Variants in TRIM5 observed in about 807,000 individuals in gnomAD.
The protein encoded by TRIM5 is tripartite motif-containing protein 5.
In TRIM5, 31 loss-of-function variants were observed where a neutral mutation model predicts 35.6. The observed-to-expected ratio is 0.87, with a 90% CI of 0.65 to 1.18. TRIM5 has a LOEUF of 1.18. Ranked by LOEUF, TRIM5 falls within the 50% of genes most tolerant of loss-of-function variation. The pLI, the probability that TRIM5 is intolerant of heterozygous loss-of-function variation, is 0.00. For missense variants in TRIM5, 609 were observed against 591.6 expected, an observed-to-expected ratio of 1.03 and a Z score of -0.31; for synonymous variants, 243 against 215.6, an observed-to-expected ratio of 1.13 and a Z score of -1.11.
At chr11:5,593,564 T>C in the TRIM5 span, among the ~76,000 whole-genome samples, 5 of 152,208 alleles carry the variant, frequency 3.3e-5, no homozygotes, top group Non-Finnish European at 7.3e-5. Context: ...TATGAGAATA[T>C]TCTGTGACCC....
chr11:5,607,958 GTGAAGTT>G, the TRIM5 span, among the ~76,000 whole-genome samples: 1 of 152,140 alleles, frequency 6.6e-6, no homozygotes, highest in Non-Finnish European at 1.5e-5. Flanking sequence ...GTTAGAGAAG[GTGAAGTT>G]TGAGAAACAG....
chr11:5,665,434 T>C, intron 7 of TRIM5, 39 bp from the exon 8 acceptor site: 1 of 1,557,790 alleles, frequency 6.4e-7, no homozygotes, highest in East Asian at 2.2e-5. Flanking sequence ...GGATATAATG[T>C]AACTTTATTT....
rs775532503 is a variant in TRIM5 at position 5,664,933 on chromosome 11, T to C, written c.1358A>G (p.Asn453Ser). The change falls in exon 8 of 8, where the codon AAT becomes AGT. Residue 453 changes from asparagine to serine, a missense_variant. Coordinates refer to ENST00000380034, the MANE Select transcript of TRIM5 (RefSeq NM_033034.3). ...DYEACTVSFF[N>S]ITNHGFLIYK... ...GATGAGAAATCCATGGTTTGTGATA[T>C]TGAAGAATGAGACAGTGCAAGCCTC... The C allele has an allele frequency of 6.2e-6, 10 of 1,613,796 alleles. No individual in the cohort carries two copies. The Middle Eastern group carries it at 4.9e-4, about 80-fold the overall frequency.
intron 1 of TRIM5, among the ~76,000 whole-genome samples, chr11:5,682,889 C>T (rs1852614959): frequency 1.3e-5 from 2 of 152,250 alleles, no homozygotes. Flanking sequence ...TGTGGGAGCC[C>T]CTTTCTGGGC....
At chr11:5,629,596 G>T in the TRIM5 span, among the ~76,000 whole-genome samples, 1 of 152,184 alleles carries the variant, frequency 6.6e-6, no homozygotes, top group Non-Finnish European at 1.5e-5. Context: ...ATAATTGCAG[G>T]TTTGTTTTGC....
At chr11:5,603,482 C>T in the TRIM5 span, 2 of 1,614,082 alleles carry the variant, frequency 1.2e-6, no homozygotes, top group Non-Finnish European at 1.7e-6. Flanking sequence ...AGAAGCTGCC[C>T]TGTGTGCCAG....
the TRIM5 span, among the ~76,000 whole-genome samples, chr11:5,613,377 G>A: frequency 8.5e-5 from 13 of 152,338 alleles, no homozygotes; most frequent in South Asian, 1.7e-3. Context: ...GGCTCAGCTT[G>A]GGTGTCTATG....
chr11:5,628,704 C>G, the TRIM5 span, among the ~76,000 whole-genome samples: 130 of 152,248 alleles, frequency 8.5e-4, 1 homozygote, highest in African/African-American at 3.1e-3. Context: ...TTTCCTAGCA[C>G]TGTTGTAACC....
At chr11:5,632,155 GT>G in the TRIM5 span, 1 of 1,480,162 alleles carries the variant, frequency 6.8e-7, no homozygotes, top group Non-Finnish European at 9.0e-7. Context: ...CATCTTCTTT[GT>G]TCTTTGATAT....
At chr11:5,634,723 A>G in the TRIM5 span, 1 of 1,614,122 alleles carries the variant, frequency 6.2e-7, no homozygotes, top group Non-Finnish European at 8.5e-7. Flanking sequence ...AGCTGCAAAG[A>G]TTGGAAGAAG....
At chr11:5,683,383 G>A (rs1276998444) in intron 1 of TRIM5, among the ~76,000 whole-genome samples, 1 of 152,208 alleles carries the variant, frequency 6.6e-6, no homozygotes, top group Non-Finnish European at 1.5e-5. Context: ...GTCTGGTGGG[G>A]ACTTGCAGAA....
At chr11:5,633,146 CTTTTTT>C in the TRIM5 span, among the ~76,000 whole-genome samples, 1 of 106,814 alleles carries the variant, frequency 9.4e-6, no homozygotes. Flanking sequence ...CCTTTTCTTT[CTTTTTT>C]TTTTTTTTTT....
chr11:5,610,638 C>G, the TRIM5 span: 1 of 1,579,942 alleles, frequency 6.3e-7, no homozygotes, highest in Non-Finnish European at 8.6e-7. Flanking sequence ...CATAGCCACA[C>G]AGATCCTAGG....
chr11:5,629,281 A>C, the TRIM5 span, among the ~76,000 whole-genome samples: 1 of 152,138 alleles, frequency 6.6e-6, no homozygotes, highest in Admixed American at 6.6e-5. Flanking sequence ...CATCTCAAAA[A>C]AAAACAAAAA....
chr11:5,681,798 A>AT (rs1852478987), intron 1 of TRIM5, among the ~76,000 whole-genome samples: 1 of 152,028 alleles, frequency 6.6e-6, no homozygotes, highest in African/African-American at 2.4e-5. Context: ...TCAGCTTTTA[A>AT]TATTTTTTTT....
the TRIM5 span, chr11:5,642,635 G>C: frequency 3.6e-6 from 5 of 1,384,288 alleles, no homozygotes; most frequent in South Asian, 1.4e-5. Context: ...GGAATATTCT[G>C]TGGTGAAGAG....
chr11:5,596,499 CCCCCTTCCCCCGTTCT>C, the TRIM5 span, among the ~76,000 whole-genome samples: 3 of 116,260 alleles, frequency 2.6e-5, no homozygotes, highest in Non-Finnish European at 5.5e-5. Flanking sequence ...GCATCCCTTC[CCCCCTTCCCCCGTTCT>C]CCCCTTCCCC....
the TRIM5 span, among the ~76,000 whole-genome samples, chr11:5,592,928 AAAG>A: frequency 1.5e-5 from 2 of 133,358 alleles, no homozygotes; most frequent in African/African-American, 3.3e-5. Context: ...AAAAAAAAAA[AAAG>A]AAAAAAGAAA....
In TRIM5 at chr11:5,679,092, T is replaced by C. The variant is rs763815630; in HGVS notation, c.495A>G (p.Glu165=). ...CTCTTGCCTTCCAGGAAGCTTTCTCTTCTCTGATGTCAGCTTCTAACTCTT... is the reference window on the plus strand; with the variant it reads ...CTCTTGCCTTCCAGGAAGCTTTCTCCTCTCTGATGTCAGCTTCTAACTCTT... ...EAEELEADIR[E]EKASWKTQIQ... The change falls in exon 3 of 8, where the codon GAA becomes GAG. Residue 165 remains glutamate, a synonymous_variant. Transcript: ENST00000380034. 9.9e-6 allele frequency: 16 copies of C among 1,614,020 alleles called. No homozygotes were observed. The highest frequency in any genetic ancestry group is 1.4e-5 in the Non-Finnish European group (16 of 1,179,930).
Sources: allele counts gnomAD v4.1 joint callset (sites outside exome capture counted in the v4.1 genomes callset), GRCh38; gene constraint gnomAD v4.1.1; transcripts MANE v1.5; gene names NCBI Gene and HGNC (gene_info 2026-07-23, HGNC 2026-07-21).